CDH13: variants seen among roughly 807,000 people sequenced by gnomAD.
The protein encoded by CDH13 is cadherin-13.
A neutral mutation model predicts 63.8 loss-of-function variants in CDH13; 24 were observed. The observed-to-expected ratio is 0.38, with a 90% CI of 0.27 to 0.53. The LOEUF is 0.53. Among genes scored for constraint, CDH13 ranks in the 20% least tolerant of loss-of-function variants. CDH13 has a pLI of 0.85. For synonymous variants in CDH13, 503 were observed against 355.3 expected, an observed-to-expected ratio of 1.42 and a Z score of -4.67; for missense variants, 1,049 against 903.1, an observed-to-expected ratio of 1.16 and a Z score of -2.07.
chr16:83,339,805 A>C (rs1471034104), intron 5 of CDH13, among the ~76,000 whole-genome samples: 2 of 152,226 alleles, frequency 1.3e-5, no homozygotes, highest in Non-Finnish European at 2.9e-5. Flanking sequence ...CCGTGTGAGC[A>C]GGAAACCACT....
intron 7 of CDH13, among the ~76,000 whole-genome samples, chr16:83,488,536 A>G (rs1182334998): frequency 6.6e-6 from 1 of 152,202 alleles, no homozygotes; most frequent in Non-Finnish European, 1.5e-5. Context: ...TAGTTAAAGA[A>G]TAGGGAAGTA....
At chr16:83,275,849 G>A (rs2088970327) in intron 5 of CDH13, among the ~76,000 whole-genome samples, 2 of 152,144 alleles carry the variant, frequency 1.3e-5, no homozygotes, top group African/African-American at 2.4e-5. Context: ...AGGGGTGAGG[G>A]AAGGGTCACA....
intron 4 of CDH13, chr16:83,180,857 T>TC (rs1567483688): frequency 2.0e-6 from 3 of 1,508,310 alleles, no homozygotes; most frequent in Admixed American, 2.0e-5. Flanking sequence ...AATGTGTTTT[T>TC]TTTTTCTTAC....
intron 1 of CDH13, among the ~76,000 whole-genome samples, chr16:82,718,255 C>G (rs2032522068): frequency 6.6e-6 from 1 of 152,122 alleles, no homozygotes. Context: ...AATGAGGGAC[C>G]TGGGGTATTT....
At chr16:83,059,848 G>A (rs2031359522) in intron 3 of CDH13, among the ~76,000 whole-genome samples, 1 of 140,860 alleles carries the variant, frequency 7.1e-6, no homozygotes, top group African/African-American at 2.6e-5. Flanking sequence ...AGGCTGGAGT[G>A]CAGTGGCAGG....
At chr16:83,701,808 C>T (rs963556399) in intron 10 of CDH13, among the ~76,000 whole-genome samples, 1 of 152,208 alleles carries the variant, frequency 6.6e-6, no homozygotes, top group African/African-American at 2.4e-5. Flanking sequence ...CTCTGTGCCT[C>T]TGCCCAGTTT....
At chr16:83,439,566 A>G (rs1598023401) in intron 6 of CDH13, among the ~76,000 whole-genome samples, 1 of 152,226 alleles carries the variant, frequency 6.6e-6, no homozygotes, top group South Asian at 2.1e-4. Context: ...AGGACAGCCT[A>G]GGGTGAGGCT....
chr16:83,549,105 G>C (rs549818480), intron 7 of CDH13, among the ~76,000 whole-genome samples: 1 of 152,166 alleles, frequency 6.6e-6, no homozygotes, highest in Admixed American at 6.5e-5. Context: ...CAGGTGACCT[G>C]GTGAGAGCCA....
At chr16:83,265,596 C>G (rs1175310917) in intron 5 of CDH13, among the ~76,000 whole-genome samples, 1 of 151,434 alleles carries the variant, frequency 6.6e-6, no homozygotes, top group Non-Finnish European at 1.5e-5. Context: ...TTTTTTTGTT[C>G]TCTCAATGTT....
chr16:83,713,027 A>T (rs1000284053), intron 10 of CDH13, among the ~76,000 whole-genome samples: 2 of 152,206 alleles, frequency 1.3e-5, no homozygotes, highest in Middle Eastern at 3.2e-3. Flanking sequence ...TTCTGGCCAA[A>T]TATCCCTGTT....
chr16:83,176,132 G>C (rs192437748), intron 4 of CDH13, among the ~76,000 whole-genome samples: 161 of 151,808 alleles, frequency 1.1e-3, no homozygotes, highest in African/African-American at 3.4e-3. Flanking sequence ...TTACAGGCGT[G>C]AGCTACCATT....
At chr16:83,623,512 A>G (rs1910002922) in intron 8 of CDH13, among the ~76,000 whole-genome samples, 1 of 152,186 alleles carries the variant, frequency 6.6e-6, no homozygotes, top group South Asian at 2.1e-4. Context: ...CGGTGTGCAC[A>G]GAGGGAGCAC....
At chr16:83,482,027 A>G (rs1202714404) in intron 6 of CDH13, among the ~76,000 whole-genome samples, 1 of 152,196 alleles carries the variant, frequency 6.6e-6, no homozygotes, top group East Asian at 1.9e-4. Flanking sequence ...TGGGCATAGC[A>G]TTGGTATGTG....
At chr16:83,671,290 C>T (rs902680586) in intron 9 of CDH13, among the ~76,000 whole-genome samples, 9 of 152,140 alleles carry the variant, frequency 5.9e-5, no homozygotes, top group Non-Finnish European at 2.9e-5. Context: ...ACTCTGTCAC[C>T]TAGGCTGGGG....
At chr16:82,833,379 G>A (rs1228963709) in intron 1 of CDH13, among the ~76,000 whole-genome samples, 2 of 152,198 alleles carry the variant, frequency 1.3e-5, no homozygotes, top group African/African-American at 2.4e-5. Context: ...CTCTGTGGAA[G>A]TTGCATAGAT....
chr16:83,261,831 A>T (rs1456119723), intron 5 of CDH13, among the ~76,000 whole-genome samples: 3 of 152,016 alleles, frequency 2.0e-5, no homozygotes, highest in African/African-American at 7.3e-5. Context: ...GTACCTCTCA[A>T]TACTGGTCTC....
chr16:82,693,534 A>C (rs1339435456), intron 1 of CDH13, among the ~76,000 whole-genome samples: 2 of 152,216 alleles, frequency 1.3e-5, no homozygotes, highest in Admixed American at 6.5e-5. Flanking sequence ...GTATTAATGT[A>C]TGCTGCATAA....
At chr16:82,827,031 C>G (rs2038287882) in intron 1 of CDH13, among the ~76,000 whole-genome samples, 1 of 152,228 alleles carries the variant, frequency 6.6e-6, no homozygotes, top group Non-Finnish European at 1.5e-5. Context: ...TGCTTATCCT[C>G]TGCCTGATGA....
At chr16:83,453,695 G>C (rs550407727) in intron 6 of CDH13, among the ~76,000 whole-genome samples, 2 of 152,180 alleles carry the variant, frequency 1.3e-5, no homozygotes, top group South Asian at 4.2e-4. Context: ...GCTGTATGTG[G>C]GCAATGTTCT....
Sources: allele counts gnomAD v4.1 joint callset (sites outside exome capture counted in the v4.1 genomes callset), GRCh38; gene constraint gnomAD v4.1.1; transcripts MANE v1.5; gene names NCBI Gene and HGNC (gene_info 2026-07-23, HGNC 2026-07-21).